ADAMTS13: variants seen among roughly 807,000 people sequenced by gnomAD.
ADAMTS13 encodes the protein ADAM metallopeptidase with thrombospondin type 1 motif 13, also known as A disintegrin and metalloproteinase with thrombospondin motifs 13.
A neutral mutation model predicts 155.1 loss-of-function variants in ADAMTS13; 110 were observed. The observed-to-expected ratio is 0.71, with a 90% CI of 0.61 to 0.83. The LOEUF (loss-of-function observed/expected upper bound fraction) is 0.83, where lower values mean the gene tolerates loss of function less well. Ranked by LOEUF, ADAMTS13 falls within the 40% of genes least tolerant of loss-of-function variation. The pLI is 0.00. For missense variants in ADAMTS13, 1,707 were observed against 1,891.7 expected, an observed-to-expected ratio of 0.90 and a Z score of 1.81; for synonymous variants, 758 against 756.4, an observed-to-expected ratio of 1.00 and a Z score of -0.03.
intron 21 of ADAMTS13, among the ~76,000 whole-genome samples, chr9:133,447,499 T>C (rs1243738212): frequency 6.6e-6 from 1 of 152,198 alleles, no homozygotes; most frequent in East Asian, 1.9e-4. Context: ...TCTCCTGAGC[T>C]CAAGCGATCC....
At chr9:133,447,877 A>T (rs1842173474) in intron 21 of ADAMTS13, among the ~76,000 whole-genome samples, 1 of 152,210 alleles carries the variant, frequency 6.6e-6, no homozygotes, top group Non-Finnish European at 1.5e-5. Context: ...TACAGGCATG[A>T]GCCACTGAGC....
chr9:133,430,598 C>T (rs1310847835), intron 8 of ADAMTS13, among the ~76,000 whole-genome samples: 1 of 152,142 alleles, frequency 6.6e-6, no homozygotes, highest in Non-Finnish European at 1.5e-5. Context: ...TTGATGGGCC[C>T]CTTCCTCCAC....
intron 11 of ADAMTS13, 42 bp from the exon 12 acceptor site, chr9:133,436,787 C>A: frequency 5.2e-6 from 3 of 577,134 alleles, no homozygotes; most frequent in South Asian, 1.5e-5. Context: ...CACCCGCCCC[C>A]CGCCCCACCG....
At chr9:133,448,285 C>T (rs938654659) in intron 21 of ADAMTS13, among the ~76,000 whole-genome samples, 1 of 152,218 alleles carries the variant, frequency 6.6e-6, no homozygotes, top group East Asian at 1.9e-4. Context: ...GCCCATATTG[C>T]AATTCTTATA....
At chr9:133,418,077 C>A, upstream of ADAMTS13, 1 of 548,628 alleles carries the variant, frequency 1.8e-6, no homozygotes, top group Non-Finnish European at 3.2e-6. Flanking sequence ...AAACCGGATC[C>A]CTGCCTCTGG....
chr9:133,434,155 C>T (rs921407278), intron 11 of ADAMTS13, among the ~76,000 whole-genome samples: 2 of 151,912 alleles, frequency 1.3e-5, no homozygotes, highest in Admixed American at 6.6e-5. Context: ...GTTCATAAAC[C>T]AGGCCAGTCC....
chr9:133,428,589 C>A (rs1157819433), intron 6 of ADAMTS13, 45 bp from the exon 7 acceptor site: 2 of 941,584 alleles, frequency 2.1e-6, no homozygotes, highest in Admixed American at 4.6e-5. Flanking sequence ...CCCCCGCCCC[C>A]GCCCCTGCCG....
intron 11 of ADAMTS13, among the ~76,000 whole-genome samples, chr9:133,435,499 T>C (rs1486565085): frequency 4.1e-5 from 3 of 72,440 alleles, no homozygotes; most frequent in African/African-American, 3.0e-5. Flanking sequence ...TATGTTTGAC[T>C]TTTTTTTTTT....
intron 14 of ADAMTS13, among the ~76,000 whole-genome samples, chr9:133,438,947 C>T (rs923928182): frequency 5.3e-5 from 8 of 150,818 alleles, no homozygotes; most frequent in Non-Finnish European, 1.0e-4. Context: ...GTTGTGCATT[C>T]TGTGGCAGCT....
intron 6 of ADAMTS13, among the ~76,000 whole-genome samples, chr9:133,426,901 G>A (rs35314130): frequency 2.0e-5 from 3 of 151,720 alleles, no homozygotes; most frequent in African/African-American, 7.3e-5. Context: ...CCTCCTGGGT[G>A]CAAGTGATTC....
intron 25 of ADAMTS13, chr9:133,455,756 G>A: frequency 1.9e-6 from 2 of 1,080,524 alleles, no homozygotes; most frequent in Non-Finnish European, 2.7e-6. Context: ...CCCTGGCAAA[G>A]CAAAACCTCC....
chr9:133,453,174 T>C (rs71503199), intron 23 of ADAMTS13, among the ~76,000 whole-genome samples: 5,041 of 152,236 alleles, frequency 0.033, 111 homozygotes, highest in Middle Eastern at 0.055. Flanking sequence ...CGGTGGCTTA[T>C]GCCTGTAATC....
chr9:133,438,923 A>T (rs1841453112), intron 14 of ADAMTS13, among the ~76,000 whole-genome samples: 1 of 151,732 alleles, frequency 6.6e-6, no homozygotes, highest in African/African-American at 2.4e-5. Context: ...AAAAAAAAAA[A>T]AAAAAGTATG....
rs782630291 is a variant in ADAMTS13, at chr9:133,455,355, C to T, written c.3320C>T (p.Pro1107Leu). 5 of 1,611,488 alleles carry T rather than the reference C, an allele frequency of 3.1e-6. No individual in the cohort carries two copies. The highest frequency in any genetic ancestry group is 2.5e-6 in the Non-Finnish European group (3 of 1,179,988). ...DTCLGPQAQA[P>L]VPADFCQHLP... is the part of the protein sequence containing the mutation. ...TGCCTCGGACCCCAGGCCCAGGCGC[C>T]TGTGCCAGCTGATTTCTGCCAGCAC... Residue 1107 changes from proline to leucine, a missense_variant, in exon 25 of 29, where the codon CCT (proline) becomes CTT (leucine). Transcript: ENST00000355699.
intron 12 of ADAMTS13, among the ~76,000 whole-genome samples, chr9:133,437,291 C>G (rs587607360): frequency 6.6e-6 from 1 of 152,174 alleles, no homozygotes; most frequent in Non-Finnish European, 1.5e-5. Context: ...GAGTCTTGCT[C>G]TGTCGCCCAG....
At position 133,456,531 on chromosome 9, in the gene ADAMTS13, G is replaced by A. The variant is rs374596777; in HGVS notation, c.3548-12G>A. 11 of 1,612,254 alleles carry A rather than the reference G, an allele frequency of 6.8e-6. No homozygotes were observed. Among genetic ancestry groups the A allele is most frequent in the Non-Finnish European group, 6.8e-6 (8 of 1,179,672 alleles). On this transcript the variant is annotated splice_polypyrimidine_tract_variant and intron_variant, in intron 26 of 28. Transcript: ENST00000355699. The surrounding 1 kb of genome is among the most constrained non-coding windows in gnomAD (Gnocchi z 4.4). ...GGGAGTGCTGGACCCTCACTGCCCTGCCGCTTCCTAGGGGACATGTTGCTG... is the reference window on the plus strand; with the variant it reads ...GGGAGTGCTGGACCCTCACTGCCCTACCGCTTCCTAGGGGACATGTTGCTG...
chr9:133,432,933 C>G (rs1840877599), intron 9 of ADAMTS13, among the ~76,000 whole-genome samples: 1 of 150,210 alleles, frequency 6.7e-6, no homozygotes, highest in Non-Finnish European at 1.5e-5. Context: ...TGTGGGGTTC[C>G]TTTGGGTGGG....
chr9:133,445,964 C>A lies in ADAMTS13; in HGVS notation c.2731+145C>A. On this transcript the variant is annotated intron_variant, in intron 21 of 28. Coordinates refer to ENST00000355699, the MANE Select transcript of ADAMTS13 (RefSeq NM_139027.6). This position sits in a 1 kb window ranked among gnomAD's most constrained non-coding sequence, Gnocchi z 5.0. ...GAACACGTGGTAATACACAAGGAGA[C>A]TAAGCATAGTAGCTGACAGCCACTT... is the stretch of plus-strand genomic sequence containing the variant. The A allele has an allele frequency of 8.2e-7, 1 of 1,220,426 alleles. No individual in the cohort carries two copies. Among genetic ancestry groups the A allele is most frequent in the Non-Finnish European group, 1.1e-6 (1 of 910,094 alleles). The allele number at this position is 1,220,426 out of a possible 1,614,324, so 75.6% of individuals were successfully genotyped here. A position where few individuals can be genotyped will look rare whatever the true frequency, so the allele number is the denominator to read the frequency against.
At chr9:133,443,655 T>A in intron 19 of ADAMTS13, 94 bp downstream of exon 19, 2 of 1,379,758 alleles carry the variant, frequency 1.4e-6, no homozygotes, top group Non-Finnish European at 1.9e-6. Context: ...CCCCTCCTCC[T>A]GAGGCCTCCG....
Sources: gnomAD v4.1 joint callset for allele counts (sites outside exome capture counted in the v4.1 genomes callset) on GRCh38, gnomAD v4.1.1 for gene constraint, Gnocchi (gnomAD v3.1) non-coding constraint, MANE v1.5 for transcripts, NCBI Gene and HGNC (gene_info 2026-07-23, HGNC 2026-07-21) for gene names.